The following ANK2 variants were observed in gnomAD, a reference collection of about 807,000 sequenced individuals.
ANK2 encodes ankyrin 2.
ANK2 carries 83 observed loss-of-function variants against 360.5 expected under a neutral mutation model. The observed-to-expected ratio is 0.23, with a 90% CI of 0.19 to 0.28. The LOEUF (loss-of-function observed/expected upper bound fraction) is 0.28, where lower values mean the gene tolerates loss of function less well. Ranked by LOEUF, ANK2 falls within the 10% of genes least tolerant of loss-of-function variation. ANK2 has a pLI of 1.00. For synonymous variants in ANK2, 1,740 were observed against 1,759.5 expected (o/e 0.99, Z 0.28); for missense variants, 4,201 against 4,795.7 (o/e 0.88, Z 3.66).
intron 1 of ANK2, among the ~76,000 whole-genome samples, chr4:113,074,501 A>G (rs1209610565): frequency 6.6e-6 from 1 of 152,224 alleles, no homozygotes; most frequent in African/African-American, 2.4e-5. Flanking sequence ...GTGAAAAGGC[A>G]GTACATGGCC....
intron 1 of ANK2, among the ~76,000 whole-genome samples, chr4:113,081,883 C>T (rs1228783591): frequency 6.6e-6 from 1 of 150,662 alleles, no homozygotes; most frequent in Non-Finnish European, 1.5e-5. Context: ...AGTCTTAGCT[C>T]ACTGCAACTT....
intron 2 of ANK2, among the ~76,000 whole-genome samples, chr4:112,956,879 G>A (rs934450392): frequency 1.3e-5 from 2 of 151,978 alleles, no homozygotes; most frequent in Non-Finnish European, 2.9e-5. Context: ...TAAGTGTTCT[G>A]GGTATTAATT....
intron 1 of ANK2, chr4:113,069,895 C>T (rs2076945983): frequency 6.6e-6 from 1 of 152,228 alleles, no homozygotes; most frequent in Non-Finnish European, 1.5e-5. Flanking sequence ...TCCTTTCTTT[C>T]TTCTTGTTTT....
intron 1 of ANK2, among the ~76,000 whole-genome samples, chr4:113,135,586 G>A (rs2096357971): frequency 1.3e-5 from 2 of 151,900 alleles, no homozygotes; most frequent in East Asian, 1.9e-4. Context: ...TGGACCTCTA[G>A]AGAACAATAA....
chr4:113,192,364 C>T (rs374970012), intron 2 of ANK2, among the ~76,000 whole-genome samples: 2 of 151,966 alleles, frequency 1.3e-5, no homozygotes, highest in Non-Finnish European at 2.9e-5. Flanking sequence ...CACACACAGA[C>T]GTGTGTATAA....
chr4:113,353,867 C>T lies in ANK2; in HGVS notation c.5249C>T (p.Thr1750Ile), dbSNP rs1468122749. Residue 1750 changes from threonine to isoleucine, a missense_variant, in exon 38 of 46, where the codon ACT becomes ATT. Physicochemically the swap from Thr to Ile is moderately conservative, Grantham distance 89 (BLOSUM62 -1). Coordinates refer to ENST00000357077, the MANE Select transcript of ANK2 (RefSeq NM_001148.6). The part of the protein sequence containing the change: ...DPGLAPEPLP[T>I]VKATSPLIEE... The stretch of plus-strand genomic sequence containing the variant: ...GGTTTAGCCCCTGAACCCCTTCCCA[C>T]TGTCAAGGCCACATCTCCTTTGATA... 9 of 1,613,876 alleles carry T rather than the reference C, an allele frequency of 5.6e-6. No individual in the cohort carries two copies. Among genetic ancestry groups the T allele is most frequent in the Non-Finnish European group, 7.6e-6 (9 of 1,179,938 alleles).
intron 1 of ANK2, among the ~76,000 whole-genome samples, chr4:113,165,408 T>C (rs1360198317): frequency 1.3e-5 from 2 of 152,292 alleles, no homozygotes; most frequent in East Asian, 3.9e-4. Context: ...CCATGTTACT[T>C]TGGTTATTAA....
At chr4:112,720,953 C>T in the ANK2 span, among the ~76,000 whole-genome samples, 2 of 152,132 alleles carry the variant, frequency 1.3e-5, no homozygotes, top group Non-Finnish European at 2.9e-5. Context: ...TTGAAAAGTA[C>T]TATGGAATGA....
the ANK2 span, among the ~76,000 whole-genome samples, chr4:112,740,313 T>C: frequency 6.6e-6 from 1 of 152,120 alleles, no homozygotes; most frequent in Non-Finnish European, 1.5e-5. Context: ...TCATAGCTCA[T>C]TGTAACCTCG....
chr4:113,186,832 G>A (rs1038391453), intron 2 of ANK2, among the ~76,000 whole-genome samples: 7 of 152,220 alleles, frequency 4.6e-5, no homozygotes, highest in Non-Finnish European at 1.0e-4. Flanking sequence ...TTGTCAGATT[G>A]ATGTGGGCAT....
At chr4:113,047,697 C>A (rs1184169237), upstream of ANK2, among the ~76,000 whole-genome samples, 4 of 151,834 alleles carry the variant, frequency 2.6e-5, no homozygotes, top group African/African-American at 9.7e-5. Flanking sequence ...AAGAGAGAAC[C>A]TTTGCCTCTT....
At chr4:112,793,908 C>T in the ANK2 span, among the ~76,000 whole-genome samples, 1 of 151,972 alleles carries the variant, frequency 6.6e-6, no homozygotes, top group Admixed American at 6.6e-5. Flanking sequence ...CCATGTTGTC[C>T]AGGATCTGGA....
chr4:113,372,637 T>A, intron 43 of ANK2: 1 of 1,512,372 alleles, frequency 6.6e-7, no homozygotes, highest in Non-Finnish European at 8.9e-7. Flanking sequence ...TACCCACTGT[T>A]AAATTACTGC....
At chr4:112,763,697 AATT>A in the ANK2 span, among the ~76,000 whole-genome samples, 3 of 146,822 alleles carry the variant, frequency 2.0e-5, no homozygotes, top group Admixed American at 2.1e-4. Flanking sequence ...GGGCCCGACT[AATT>A]TTTTTGTATT....
intron 10 of ANK2, among the ~76,000 whole-genome samples, chr4:113,250,759 C>A (rs918555818): frequency 3.0e-5 from 4 of 134,620 alleles, no homozygotes; most frequent in African/African-American, 1.1e-4. Flanking sequence ...ACCACCGCCC[C>A]CCCCCCCGAC....
Position 113,353,451 on chromosome 4 carries a change from C to A in ANK2, c.4833C>A (p.Ile1611=), listed in dbSNP as rs1358242075. 1 of 1,614,028 alleles carries A rather than the reference C, an allele frequency of 6.2e-7. No individual in the cohort carries two copies. The change falls in exon 38 of 46, where the codon ATC becomes ATA. Residue 1611 remains isoleucine (I), a synonymous_variant. Coordinates refer to ENST00000357077, the MANE Select transcript of ANK2 (RefSeq NM_001148.6). ...EEARQKAPLE[I]TEYPCVEVRI... The stretch of plus-strand genomic sequence containing the variant: ...CTAGGCAAAAAGCACCTTTAGAAAT[C>A]ACTGAATATCCATGTGTAGAAGTTA...
At chr4:113,050,558 T>C (rs558095050) in intron 1 of ANK2, among the ~76,000 whole-genome samples, 1 of 152,276 alleles carries the variant, frequency 6.6e-6, no homozygotes, top group East Asian at 1.9e-4. Flanking sequence ...CCCCACCCAA[T>C]GCCAGCACTT....
intron 2 of ANK2, among the ~76,000 whole-genome samples, chr4:113,190,302 G>A (rs1243107131): frequency 6.6e-5 from 10 of 151,912 alleles, no homozygotes; most frequent in Admixed American, 6.6e-4. Context: ...GTAGAGACAG[G>A]GCTCTCTATG....
At chr4:113,171,867 C>G (rs769943968) in intron 1 of ANK2, among the ~76,000 whole-genome samples, 22 of 152,168 alleles carry the variant, frequency 1.4e-4, no homozygotes, top group South Asian at 4.1e-4. Flanking sequence ...TCAGCAATAC[C>G]TGAGGCCCCA....
Sources: gnomAD v4.1 joint callset for allele counts (sites outside exome capture counted in the v4.1 genomes callset) on GRCh38, gnomAD v4.1.1 for gene constraint, MANE v1.5 for transcripts, NCBI Gene and HGNC (gene_info 2026-07-23, HGNC 2026-07-21) for gene names.